MRLN: variants seen among roughly 807,000 people sequenced by gnomAD.
MRLN encodes the protein Linc-RNA activator of myogenesis.
At chr10:59,752,911 C>G (rs1400710576) in intron 1 of MRLN, among the ~76,000 whole-genome samples, 2 of 152,164 alleles carry the variant, frequency 1.3e-5, no homozygotes, top group African/African-American at 2.4e-5. Context: ...CAAAAGTGCC[C>G]AGGTCTCTTG....
intron 1 of MRLN, among the ~76,000 whole-genome samples, chr10:59,742,608 C>A (rs1589016658): frequency 1.3e-5 from 2 of 152,296 alleles, no homozygotes; most frequent in South Asian, 4.2e-4. Context: ...CACTTTTTAA[C>A]TGTTTATTAA....
intron 1 of MRLN, among the ~76,000 whole-genome samples, chr10:59,745,783 T>C (rs1377479371): frequency 6.6e-6 from 1 of 152,110 alleles, no homozygotes; most frequent in Non-Finnish European, 1.5e-5. Context: ...CTGGACTTCA[T>C]TGTATCCTCT....
chr10:59,742,141 C>T (rs1840990531), intron 1 of MRLN, among the ~76,000 whole-genome samples: 2 of 152,162 alleles, frequency 1.3e-5, no homozygotes, highest in South Asian at 4.1e-4. Context: ...GACACATATC[C>T]AAACATTGTA....
At chr10:59,744,517 C>T (rs1467591754) in intron 1 of MRLN, among the ~76,000 whole-genome samples, 3 of 150,876 alleles carry the variant, frequency 2.0e-5, no homozygotes, top group South Asian at 2.1e-4. Context: ...GCTGCCACCC[C>T]GTCTGGGAGG....
chr10:59,752,056 T>C (rs144289401), intron 1 of MRLN, among the ~76,000 whole-genome samples: 2 of 152,338 alleles, frequency 1.3e-5, no homozygotes, highest in East Asian at 3.9e-4. Context: ...TTGAAGTTGT[T>C]TGGGGAGGTT....
chr10:59,742,163 A>G (rs1169037322), intron 1 of MRLN, among the ~76,000 whole-genome samples: 1 of 152,230 alleles, frequency 6.6e-6, no homozygotes, highest in East Asian at 1.9e-4. Flanking sequence ...TAGCTTCAAT[A>G]TGGAAACAAC....
chr10:59,746,344 G>A (rs1021910656), intron 1 of MRLN, among the ~76,000 whole-genome samples: 4 of 152,132 alleles, frequency 2.6e-5, no homozygotes, highest in African/African-American at 9.7e-5. Flanking sequence ...CATTTATTGA[G>A]GGTCTATTAT....
chr10:59,745,368 C>G (rs897189942), intron 1 of MRLN, among the ~76,000 whole-genome samples: 1 of 152,062 alleles, frequency 6.6e-6, no homozygotes, highest in African/African-American at 2.4e-5. Context: ...TTATCTCCAA[C>G]GTAATGTTTT....
At position 59,744,956 on chromosome 10, in the gene MRLN, G is replaced by C. The variant is rs533840435; in HGVS notation, c.-124-6394C>G. 69 of 182,374 alleles carry C rather than the reference G, an allele frequency of 3.8e-4. 1 individual carries two copies. Among genetic ancestry groups the C allele is most frequent in the African/African-American group, 1.6e-3 (66 of 42,000 alleles). 11.3% of individuals were successfully genotyped at this position (182,374 alleles called of 1,614,324 possible). On this transcript the variant is annotated intron_variant, in intron 1 of 2. Transcript: ENST00000414264. ...ACCACTCCCTAATCTCAAATACCCA[G>C]GGACACAAACACGGCCGAAGGCAGC...
At chr10:59,749,025 CA>C (rs1015142241) in intron 1 of MRLN, among the ~76,000 whole-genome samples, 3 of 152,134 alleles carry the variant, frequency 2.0e-5, no homozygotes, top group African/African-American at 4.8e-5. Context: ...GGATCTGAAC[CA>C]GATGGAACCA....
At chr10:59,741,259 T>G (rs1282609033) in intron 1 of MRLN, among the ~76,000 whole-genome samples, 1 of 152,228 alleles carries the variant, frequency 6.6e-6, no homozygotes, top group Non-Finnish European at 1.5e-5. Flanking sequence ...ACTCACCCAG[T>G]GCAACTTCCA....
intron 1 of MRLN, chr10:59,744,335 AGT>A: frequency 6.6e-6 from 1 of 152,256 alleles, no homozygotes; most frequent in Non-Finnish European, 1.4e-5. Context: ...GGAACTGAGG[AGT>A]GTCTCTGCCC....
intron 1 of MRLN, among the ~76,000 whole-genome samples, chr10:59,750,753 G>T (rs577198841): frequency 6.6e-6 from 1 of 152,362 alleles, no homozygotes; most frequent in East Asian, 1.9e-4. Flanking sequence ...AATGCCCGGA[G>T]CCCTGGCTGG....
chr10:59,744,112 GC>G (rs1841014674), intron 1 of MRLN: 1 of 160,896 alleles, frequency 6.2e-6, no homozygotes, highest in Admixed American at 6.5e-5. Flanking sequence ...GAGTGCCTCT[GC>G]CTGGCTGCCC....
intron 1 of MRLN, chr10:59,739,197 C>G (rs1392840390): frequency 6.6e-6 from 1 of 151,684 alleles, no homozygotes; most frequent in Non-Finnish European, 1.5e-5. Context: ...ATCTTCATGA[C>G]AAAACAACAA....
intron 1 of MRLN, among the ~76,000 whole-genome samples, chr10:59,742,738 C>T (rs576214942): frequency 6.7e-6 from 1 of 150,208 alleles, no homozygotes; most frequent in Admixed American, 6.7e-5. Context: ...TTCCTTCTTG[C>T]TTGCTTTCTT....
chr10:59,742,658 C>T (rs1408839036), intron 1 of MRLN, among the ~76,000 whole-genome samples: 3 of 146,386 alleles, frequency 2.0e-5, no homozygotes, highest in Non-Finnish European at 3.1e-5. Flanking sequence ...TTCCTTCCTT[C>T]CTTCCTTCCC....
At chr10:59,748,635 T>C (rs1841066355) in intron 1 of MRLN, among the ~76,000 whole-genome samples, 1 of 152,166 alleles carries the variant, frequency 6.6e-6, no homozygotes, top group African/African-American at 2.4e-5. Context: ...ATAGAAAAGA[T>C]ATTGGAGCTT....
intron 2 of MRLN, 47 bp from the exon 3 acceptor site, chr10:59,737,267 C>T (rs904286301): frequency 1.8e-5 from 7 of 387,288 alleles, no homozygotes; most frequent in African/African-American, 1.4e-4. Flanking sequence ...ATTTATAATA[C>T]TGATTCTTTC....
Sources: allele counts gnomAD v4.1 joint callset (sites outside exome capture counted in the v4.1 genomes callset), GRCh38; gene constraint gnomAD v4.1.1; transcripts MANE v1.5; gene names NCBI Gene and HGNC (gene_info 2026-07-23, HGNC 2026-07-21).